SLAIN1: variants seen among roughly 807,000 people sequenced by gnomAD.
The protein encoded by SLAIN1 is SLAIN family member 1, also known as SLAIN motif-containing protein 1.
A neutral mutation model predicts 55.4 loss-of-function variants in SLAIN1; 17 were observed. The ratio of observed to expected loss-of-function variants is 0.31; its 90% CI spans 0.21 to 0.46. The LOEUF (loss-of-function observed/expected upper bound fraction) is 0.46. SLAIN1 is among the 20% of genes least tolerant of loss of function. The pLI is 1.00. For synonymous variants in SLAIN1, 348 were observed against 337.4 expected, an observed-to-expected ratio of 1.03 and a Z score of -0.35; for missense variants, 682 against 785.1, an observed-to-expected ratio of 0.87 and a Z score of 1.57.
rs2091000173 is a variant in SLAIN1 at position 77,698,764 on chromosome 13, A to T, written c.626+225A>T. On this transcript the variant is annotated intron_variant, in intron 1 of 6. Transcript: ENST00000418532. This position sits in a 1 kb window ranked among gnomAD's most constrained non-coding sequence, Gnocchi z 4.1. ...TGTTTTCTAATCGCTCCGACTGCGG[A>T]TGAACCGGCCCCCCCTTCCCCCCAT... 4.3e-6 allele frequency: 5 copies of T among 1,164,560 alleles called. No individual in the cohort carries two copies. The highest frequency in any genetic ancestry group is 5.8e-6 in the Non-Finnish European group (5 of 863,506). The allele number at this position is 1,164,560 out of a possible 1,614,324, so 72.1% of individuals were successfully genotyped here. A position where few individuals can be genotyped will look rare whatever the true frequency, so the allele number is the denominator to read the frequency against.
chr13:77,748,253 G>C (rs1265985366), intron 4 of SLAIN1, among the ~76,000 whole-genome samples: 1 of 151,912 alleles, frequency 6.6e-6, no homozygotes, highest in Non-Finnish European at 1.5e-5. Context: ...GAGATTTCAA[G>C]TTTAAAGGAG....
At chr13:77,702,680 T>C (rs544062903) in intron 1 of SLAIN1, among the ~76,000 whole-genome samples, 1 of 151,914 alleles carries the variant, frequency 6.6e-6, no homozygotes, top group South Asian at 2.1e-4. Context: ...AAAATCAGAT[T>C]ATTTGTCCAG....
chr13:77,715,382 CAAAT>C (rs775142197), intron 1 of SLAIN1, among the ~76,000 whole-genome samples: 42 of 152,210 alleles, frequency 2.8e-4, no homozygotes, highest in East Asian at 1.7e-3. Context: ...TGGGTTATGA[CAAAT>C]AAAACTGCAG....
intron 1 of SLAIN1, among the ~76,000 whole-genome samples, chr13:77,712,298 A>G (rs1004927864): frequency 3.9e-5 from 6 of 152,210 alleles, no homozygotes; most frequent in East Asian, 1.9e-4. Context: ...TGCAGATGAC[A>G]TGATTGTATA....
At chr13:77,712,260 G>T (rs147924948) in intron 1 of SLAIN1, among the ~76,000 whole-genome samples, 1 of 152,184 alleles carries the variant, frequency 6.6e-6, no homozygotes, top group Non-Finnish European at 1.5e-5. Flanking sequence ...ATTCAAATAG[G>T]AAGAGAGGAA....
chr13:77,746,391 G>C, intron 3 of SLAIN1, 123 bp from the exon 4 acceptor site: 5 of 779,466 alleles, frequency 6.4e-6, no homozygotes, highest in Non-Finnish European at 9.9e-6. Context: ...GTAAACTTGA[G>C]AACAAGATAA....
chr13:77,699,793 TCAAA>T (rs1231194043), intron 1 of SLAIN1, among the ~76,000 whole-genome samples: 3 of 152,272 alleles, frequency 2.0e-5, no homozygotes, highest in African/African-American at 7.2e-5. Flanking sequence ...TGTAAAAAAA[TCAAA>T]CAACTCATCA....
At chr13:77,702,988 T>C (rs919668604) in intron 1 of SLAIN1, among the ~76,000 whole-genome samples, 1 of 152,202 alleles carries the variant, frequency 6.6e-6, no homozygotes, top group African/African-American at 2.4e-5. Flanking sequence ...GCACTGAAGA[T>C]AGTATAGTAC....
Position 77,714,079 on chromosome 13 carries a change from G to A in SLAIN1, c.627-5453G>A, listed in dbSNP as rs2091181663. 2.6e-5 allele frequency among the ~76,000 whole-genome samples: 4 copies of A among 152,256 alleles called. 1 individual carries two copies. In the South Asian group the frequency reaches 8.3e-4, roughly 32 times the overall value. ...GGAGAAATGCCTAACGTAGATGACA[G>A]TTGATGGGTGCAGCAAACCACTATG... is the stretch of plus-strand genomic sequence containing the variant. On this transcript the variant is annotated intron_variant, in intron 1 of 6. Coordinates refer to ENST00000418532, the MANE Select transcript of SLAIN1 (RefSeq NM_001242868.2).
At chr13:77,709,793 CAG>C (rs1353516453) in intron 1 of SLAIN1, among the ~76,000 whole-genome samples, 4 of 152,072 alleles carry the variant, frequency 2.6e-5, no homozygotes, top group African/African-American at 9.7e-5. Flanking sequence ...GTTTTTGAGA[CAG>C]AGTCTCACTC....
chr13:77,705,367 A>G (rs2091079082), intron 1 of SLAIN1, among the ~76,000 whole-genome samples: 1 of 151,972 alleles, frequency 6.6e-6, no homozygotes, highest in Non-Finnish European at 1.5e-5. Flanking sequence ...AATTAGAGTG[A>G]CATTCCAAAT....
In SLAIN1 at chr13:77,760,859, C is replaced by T; in HGVS notation, c.1446C>T (p.Val482=). The change falls in exon 6 of 7, where the codon GTC becomes GTT. Residue 482 remains valine (V), a synonymous_variant. Transcript: ENST00000418532. ...IPSPGQLQHR[V]HSVGHFPVSI... is the part of the protein sequence containing the mutation. ...CACCGGGACAGCTTCAACACAGGGTCCACAGCGTGGGGCATTTCCCAGTGT... is the reference window on the plus strand; with the variant it reads ...CACCGGGACAGCTTCAACACAGGGTTCACAGCGTGGGGCATTTCCCAGTGT... 1.2e-6 allele frequency: 2 copies of T among 1,613,992 alleles called. No homozygotes were observed. Among genetic ancestry groups the T allele is most frequent in the Non-Finnish European group, 1.7e-6 (2 of 1,180,006 alleles).
chr13:77,716,118 G>GTT (rs1446584958), intron 1 of SLAIN1, among the ~76,000 whole-genome samples: 16 of 150,078 alleles, frequency 1.1e-4, no homozygotes, highest in Non-Finnish European at 1.9e-4. Context: ...GTGGATCAAA[G>GTT]TTTTGTTTTT....
intron 2 of SLAIN1, among the ~76,000 whole-genome samples, chr13:77,721,388 A>G (rs573663111): frequency 1.3e-5 from 2 of 152,298 alleles, no homozygotes; most frequent in East Asian, 3.9e-4. Flanking sequence ...TCTTTGTAGC[A>G]GTGTGAGAAC....
At chr13:77,738,613 G>A (rs1873256157) in intron 2 of SLAIN1, among the ~76,000 whole-genome samples, 1 of 152,048 alleles carries the variant, frequency 6.6e-6, no homozygotes, top group South Asian at 2.1e-4. Flanking sequence ...AACTAACGCA[G>A]AACAGAAAAC....
At chr13:77,737,121 T>G (rs1873159292) in intron 2 of SLAIN1, among the ~76,000 whole-genome samples, 1 of 151,966 alleles carries the variant, frequency 6.6e-6, no homozygotes, top group African/African-American at 2.4e-5. Flanking sequence ...CATGAGTATC[T>G]CATGCTCTCC....
chr13:77,712,156 C>T lies in SLAIN1; in HGVS notation c.627-7376C>T, dbSNP rs572925881. Among the ~76,000 whole-genome samples, 42 of 152,260 alleles carry T rather than the reference C, an allele frequency of 2.8e-4. 1 individual carries two copies. In the South Asian group the frequency reaches 8.5e-3, roughly 31 times the overall value. On this transcript the variant is annotated intron_variant, in intron 1 of 6. Coordinates refer to ENST00000418532, the MANE Select transcript of SLAIN1 (RefSeq NM_001242868.2). Reference sequence around the variant, plus strand: ...TGGAAGCATTCCTTTTGAAAACTGGCACAAGACAAAGATGCCCTCTCTCAC... The same window carrying T: ...TGGAAGCATTCCTTTTGAAAACTGGTACAAGACAAAGATGCCCTCTCTCAC...
At chr13:77,705,088 G>A (rs1348254767) in intron 1 of SLAIN1, among the ~76,000 whole-genome samples, 1 of 151,240 alleles carries the variant, frequency 6.6e-6, no homozygotes, top group African/African-American at 2.4e-5. Context: ...ATATATACTT[G>A]TGTGTATACA....
At chr13:77,731,211 A>G (rs1872845400) in intron 2 of SLAIN1, among the ~76,000 whole-genome samples, 1 of 152,182 alleles carries the variant, frequency 6.6e-6, no homozygotes, top group Non-Finnish European at 1.5e-5. Flanking sequence ...CAGATTTTCC[A>G]GAATTAAAGA....
Sources: allele counts gnomAD v4.1 joint callset (sites outside exome capture counted in the v4.1 genomes callset), GRCh38; gene constraint gnomAD v4.1.1; non-coding constraint Gnocchi (gnomAD v3.1); transcripts MANE v1.5; gene names NCBI Gene and HGNC (gene_info 2026-07-23, HGNC 2026-07-21).